EBF1: variants seen among roughly 807,000 people sequenced by gnomAD.
EBF1 encodes the protein EBF transcription factor 1.
A neutral mutation model predicts 68.4 loss-of-function variants in EBF1; 10 were observed. The ratio of observed to expected loss-of-function variants is 0.15; its 90% CI spans 0.09 to 0.25. The LOEUF is 0.25. Among genes scored for constraint, EBF1 ranks in the 10% least tolerant of loss-of-function variants. The probability of loss-of-function intolerance (pLI) is 1.00; values close to 1 mark genes in which losing one functional copy is unlikely to be tolerated. For synonymous variants in EBF1, 298 were observed against 299.8 expected (o/e 0.99, Z 0.06); for missense variants, 509 against 794.4 (o/e 0.64, Z 4.32).
intron 6 of EBF1, chr5:158,984,670 C>T (rs569048571): frequency 6.7e-6 from 1 of 149,398 alleles, no homozygotes; most frequent in Non-Finnish European, 1.5e-5. Flanking sequence ...TCTAACGACG[C>T]TGCTTTCTTC....
At chr5:158,832,651 C>A (rs1293631126) in intron 7 of EBF1, among the ~76,000 whole-genome samples, 1 of 152,142 alleles carries the variant, frequency 6.6e-6, no homozygotes, top group Admixed American at 6.6e-5. Flanking sequence ...ATTCTTATCC[C>A]TTTTATGTAA....
chr5:158,697,272 A>ATT lies in EBF1; in HGVS notation c.*1837_*1838dup, dbSNP rs34258322. ...AATACTACAAGAATAATATGCTACT[A>ATT]TTTTTTTTTTTTTGCCATATATTGG... On this transcript the variant is annotated 3_prime_UTR_variant, in exon 16 of 16. Coordinates refer to ENST00000313708, the MANE Select transcript of EBF1 (RefSeq NM_024007.5). The ATT allele has an allele frequency of 2.4e-4, 43 of 176,982 alleles. No homozygotes were observed. Among genetic ancestry groups the ATT allele is most frequent in the African/African-American group, 4.4e-4 (18 of 41,218 alleles). The allele number at this position is 176,982 out of a possible 1,614,324, so 11.0% of individuals were successfully genotyped here.
At chr5:158,836,133 C>T (rs1788734728) in intron 7 of EBF1, among the ~76,000 whole-genome samples, 1 of 152,108 alleles carries the variant, frequency 6.6e-6, no homozygotes, top group South Asian at 2.1e-4. Flanking sequence ...CAGAAAAACA[C>T]CTGAGGATGA....
intron 12 of EBF1, 96 bp from the exon 13 acceptor site, chr5:158,713,243 A>G: frequency 9.0e-7 from 1 of 1,110,680 alleles, no homozygotes; most frequent in Non-Finnish European, 1.2e-6. Context: ...AGGGTTTTCA[A>G]TGGTCAGCTG....
intron 6 of EBF1, among the ~76,000 whole-genome samples, chr5:158,998,077 C>G (rs1202732932): frequency 6.6e-6 from 1 of 152,198 alleles, no homozygotes; most frequent in East Asian, 1.9e-4. Flanking sequence ...TACCTCCCAT[C>G]AATTAGGACA....
At chr5:159,067,060 A>G (rs891723677) in intron 6 of EBF1, among the ~76,000 whole-genome samples, 2 of 152,126 alleles carry the variant, frequency 1.3e-5, no homozygotes, top group East Asian at 1.9e-4. Flanking sequence ...AATCTGGTCA[A>G]TTTTTATTAG....
At chr5:158,805,115 G>A (rs973273068) in intron 8 of EBF1, among the ~76,000 whole-genome samples, 14 of 151,858 alleles carry the variant, frequency 9.2e-5, no homozygotes, top group African/African-American at 2.9e-4. Flanking sequence ...AAAGCCAAGG[G>A]GAAAAAAGGA....
At chr5:159,081,012 G>T (rs540735421) in intron 5 of EBF1, among the ~76,000 whole-genome samples, 97 of 152,212 alleles carry the variant, frequency 6.4e-4, no homozygotes, top group Non-Finnish European at 1.1e-3. Context: ...ATGGGGTCTC[G>T]TTCTGCCACC....
chr5:158,860,769 C>T (rs1170502705), intron 6 of EBF1, among the ~76,000 whole-genome samples: 1 of 152,212 alleles, frequency 6.6e-6, no homozygotes, highest in Non-Finnish European at 1.5e-5. Context: ...GCCCATGGCG[C>T]ATCTTGCGTC....
chr5:158,975,190 AAAAAGAAATGATT>A lies in EBF1; in HGVS notation c.554+98193_554+98205del, dbSNP rs531941859. Reference sequence around the variant, plus strand: ...CTTTTGTCCCAAGCCTGATTCAGGAAAAAAGAAATGATTAATGATCTCACATTAAAACCCAGTC... The same window carrying A: ...CTTTTGTCCCAAGCCTGATTCAGGAAAATGATCTCACATTAAAACCCAGTC... On this transcript the variant is annotated intron_variant, in intron 6 of 15. Transcript: ENST00000313708. 2.6e-5 allele frequency among the ~76,000 whole-genome samples: 4 copies of A among 152,320 alleles called. No homozygotes were observed. In the South Asian group the frequency reaches 8.3e-4, roughly 32 times the overall value.
chr5:158,772,971 G>A (rs1233393756), intron 10 of EBF1, among the ~76,000 whole-genome samples: 1 of 152,062 alleles, frequency 6.6e-6, no homozygotes, highest in Non-Finnish European at 1.5e-5. Context: ...ATCATATGAT[G>A]TCCCAAGGAT....
chr5:158,779,673 C>A (rs1470042883), intron 9 of EBF1, among the ~76,000 whole-genome samples: 1 of 152,100 alleles, frequency 6.6e-6, no homozygotes, highest in African/African-American at 2.4e-5. Flanking sequence ...TCTCCTTGTT[C>A]TCAGGGGAAA....
At chr5:158,852,001 AGG>A (rs1792955919) in intron 6 of EBF1, among the ~76,000 whole-genome samples, 1 of 31,002 alleles carries the variant, frequency 3.2e-5, no homozygotes, top group African/African-American at 1.4e-4. Context: ...AGGGAAGGGG[AGG>A]GGAAGGGTGG....
intron 6 of EBF1, among the ~76,000 whole-genome samples, chr5:158,900,931 A>C (rs1181513970): frequency 6.6e-6 from 1 of 152,228 alleles, no homozygotes. Context: ...GAGAACAGCA[A>C]ATCCTAGAAT....
intron 6 of EBF1, among the ~76,000 whole-genome samples, chr5:158,871,266 G>A (rs962971467): frequency 8.5e-5 from 13 of 152,268 alleles, no homozygotes; most frequent in Non-Finnish European, 1.6e-4. Flanking sequence ...GACAAATTAA[G>A]ACATTAAAAC....
intron 6 of EBF1, among the ~76,000 whole-genome samples, chr5:159,044,073 C>T (rs1771809030): frequency 6.6e-6 from 1 of 152,120 alleles, no homozygotes; most frequent in South Asian, 2.1e-4. Context: ...TTATACAACA[C>T]CTAATTGTTG....
chr5:158,982,651 A>G (rs572735676), intron 6 of EBF1, among the ~76,000 whole-genome samples: 2 of 151,924 alleles, frequency 1.3e-5, no homozygotes, highest in South Asian at 2.1e-4. Flanking sequence ...TTTACACGGT[A>G]CTTAAATTTT....
At chr5:158,727,502 A>G (rs749799539) in intron 11 of EBF1, among the ~76,000 whole-genome samples, 1 of 152,172 alleles carries the variant, frequency 6.6e-6, no homozygotes, top group Non-Finnish European at 1.5e-5. Context: ...AGTTGGTCAC[A>G]TGTTCCTCCC....
intron 6 of EBF1, among the ~76,000 whole-genome samples, chr5:158,914,589 G>A (rs1806736852): frequency 6.6e-6 from 1 of 152,088 alleles, no homozygotes; most frequent in Non-Finnish European, 1.5e-5. Context: ...CTTACCAGCT[G>A]TGCCTACATT....
Sources: allele counts gnomAD v4.1 joint callset (sites outside exome capture counted in the v4.1 genomes callset), GRCh38; gene constraint gnomAD v4.1.1; transcripts MANE v1.5; gene names NCBI Gene and HGNC (gene_info 2026-07-23, HGNC 2026-07-21).